Variants in DLGAP2 observed in about 807,000 individuals in gnomAD.
DLGAP2 encodes the protein DLG associated protein 2.
In DLGAP2, 26 loss-of-function variants were observed where a neutral mutation model predicts 100.3. The observed-to-expected ratio is 0.26, with a 90% confidence interval of 0.19 to 0.36. The LOEUF is 0.36. Among genes scored for constraint, DLGAP2 ranks in the 10% least tolerant of loss-of-function variants. The pLI is 1.00. For synonymous variants in DLGAP2, 886 were observed against 630.1 expected, an observed-to-expected ratio of 1.41 and a Z score of -6.08; for missense variants, 1,858 against 1,453.2, an observed-to-expected ratio of 1.28 and a Z score of -4.53.
intron 6 of DLGAP2, among the ~76,000 whole-genome samples, chr8:1,597,320 T>C (rs1028230544): frequency 3.3e-5 from 5 of 152,204 alleles, no homozygotes; most frequent in African/African-American, 1.2e-4. Context: ...TTGTTCTTTT[T>C]GCTTAGGATT....
intron 11 of DLGAP2, 75 bp downstream of exon 11, chr8:1,676,693 G>C: frequency 7.0e-7 from 1 of 1,430,750 alleles, no homozygotes; most frequent in Non-Finnish European, 9.6e-7. Context: ...GAAGCTCCTA[G>C]ATCCTGCCGG....
intron 3 of DLGAP2, among the ~76,000 whole-genome samples, chr8:1,357,186 T>G (rs961030888): frequency 4.6e-5 from 7 of 152,110 alleles, no homozygotes; most frequent in Non-Finnish European, 1.0e-4. Context: ...GCTGGGGATC[T>G]CAGTCGCAAG....
At chr8:1,665,914 G>A (rs929424514) in intron 8 of DLGAP2, among the ~76,000 whole-genome samples, 5 of 152,192 alleles carry the variant, frequency 3.3e-5, no homozygotes, top group South Asian at 2.1e-4. Context: ...ATCTCCACCC[G>A]CGGGCTCTCT....
chr8:1,439,658 C>T (rs575962339), intron 3 of DLGAP2, among the ~76,000 whole-genome samples: 3 of 152,134 alleles, frequency 2.0e-5, no homozygotes, highest in Non-Finnish European at 4.4e-5. Context: ...GAGACAGGGT[C>T]TCGAAACTGA....
intron 1 of DLGAP2, among the ~76,000 whole-genome samples, chr8:802,746 C>T (rs892119818): frequency 2.0e-5 from 3 of 152,262 alleles, no homozygotes; most frequent in Non-Finnish European, 2.9e-5. Flanking sequence ...GTCTCTCAGA[C>T]GGTCACACAC....
intron 3 of DLGAP2, among the ~76,000 whole-genome samples, chr8:1,424,307 C>T (rs1477460154): frequency 6.6e-6 from 1 of 152,216 alleles, no homozygotes; most frequent in African/African-American, 2.4e-5. Flanking sequence ...ACAACAGAGA[C>T]TTATTAAGAC....
At chr8:1,038,530 A>C (rs753471182) in intron 2 of DLGAP2, among the ~76,000 whole-genome samples, 7 of 152,230 alleles carry the variant, frequency 4.6e-5, no homozygotes, top group Non-Finnish European at 1.0e-4. Context: ...CTTGAGCAAC[A>C]TTTTATGGGC....
chr8:985,173 C>T (rs1264796380), intron 2 of DLGAP2, among the ~76,000 whole-genome samples: 2 of 152,176 alleles, frequency 1.3e-5, no homozygotes, highest in Admixed American at 1.3e-4. Flanking sequence ...GTGCAGGTTA[C>T]AGCCTGATCC....
chr8:1,240,461 C>T, intron 2 of DLGAP2, among the ~76,000 whole-genome samples: 1 of 150,686 alleles, frequency 6.6e-6, no homozygotes, highest in African/African-American at 2.5e-5. Context: ...ATGTCTAGTT[C>T]TCTCACATGG....
chr8:1,678,808 G>C, intron 12 of DLGAP2, 179 bp downstream of exon 12: 4 of 698,936 alleles, frequency 5.7e-6, no homozygotes, highest in Non-Finnish European at 8.4e-6. Context: ...CATGAAAAGA[G>C]AAGCAGTCAC....
At chr8:1,255,489 C>G (rs528800074) in intron 2 of DLGAP2, among the ~76,000 whole-genome samples, 7 of 132,948 alleles carry the variant, frequency 5.3e-5, no homozygotes, top group African/African-American at 2.2e-4. Context: ...TGTGTGTGTC[C>G]TCATCTTGCC....
chr8:960,269 G>A (rs1217248239), intron 2 of DLGAP2, among the ~76,000 whole-genome samples: 1 of 16,960 alleles, frequency 5.9e-5, no homozygotes, highest in Admixed American at 7.2e-4. Flanking sequence ...ACACTCTCAC[G>A]CTGTCGTCCA....
At chr8:896,992 G>T (rs1798154706) in intron 1 of DLGAP2, among the ~76,000 whole-genome samples, 1 of 152,156 alleles carries the variant, frequency 6.6e-6, no homozygotes, top group African/African-American at 2.4e-5. Flanking sequence ...TCTGTAACAG[G>T]CTTTGAATGA....
intron 2 of DLGAP2, among the ~76,000 whole-genome samples, chr8:1,176,246 T>A (rs1257321264): frequency 1.3e-5 from 2 of 152,158 alleles, no homozygotes; most frequent in African/African-American, 4.8e-5. Context: ...CCATCAGACC[T>A]CGTGAGAATT....
intron 1 of DLGAP2, among the ~76,000 whole-genome samples, chr8:897,591 C>T (rs1199455019): frequency 4.6e-5 from 7 of 152,276 alleles, no homozygotes; most frequent in African/African-American, 7.2e-5. Flanking sequence ...TGTGTGCGAG[C>T]GCGAAGGGCT....
chr8:1,242,758 G>A lies in DLGAP2; in HGVS notation c.74-16093G>A, dbSNP rs1056570354. Among the ~76,000 whole-genome samples, 9 of 152,152 alleles carry A rather than the reference G, an allele frequency of 5.9e-5. No individual in the cohort carries two copies. The South Asian group carries it at 1.5e-3, about 25-fold the overall frequency. On this transcript the variant is annotated intron_variant, in intron 2 of 14. Transcript: ENST00000637795. ...TGTATGGACAGATGGACGGATGGAT[G>A]GTCAGACAGACGGATGGATGGATAG...
intron 2 of DLGAP2, among the ~76,000 whole-genome samples, chr8:1,196,133 C>A (rs1050442276): frequency 6.6e-6 from 1 of 152,220 alleles, no homozygotes; most frequent in African/African-American, 2.4e-5. Flanking sequence ...TTTTCCTGAT[C>A]CACTTAACTG....
chr8:1,294,230 A>T lies in DLGAP2; in HGVS notation c.106+35347A>T, dbSNP rs141250797. Among the ~76,000 whole-genome samples, 546 of 152,324 alleles carry T rather than the reference A, an allele frequency of 3.6e-3. 1 individual carries two copies. The highest frequency in any genetic ancestry group is 0.013 in the African/African-American group (522 of 41,566). On this transcript the variant is annotated intron_variant, in intron 3 of 14. Transcript: ENST00000637795. The stretch of plus-strand genomic sequence containing the variant: ...TCTCCCCTTGCCAGTCATTCAGGTT[A>T]CAGGCCTTTCACAAGAATTTAATTG...
intron 2 of DLGAP2, among the ~76,000 whole-genome samples, chr8:965,678 G>A (rs1188579726): frequency 2.2e-5 from 3 of 134,326 alleles, no homozygotes; most frequent in Non-Finnish European, 4.7e-5. Flanking sequence ...CACTGCACAC[G>A]GCACTGTTCA....
Sources: allele counts gnomAD v4.1 joint callset (sites outside exome capture counted in the v4.1 genomes callset), GRCh38; gene constraint gnomAD v4.1.1; transcripts MANE v1.5; gene names NCBI Gene and HGNC (gene_info 2026-07-23, HGNC 2026-07-21).